Variants in MATCAP2 observed in about 807,000 individuals in gnomAD.
The protein encoded by MATCAP2 is microtubule associated tyrosine carboxypeptidase 2.
the MATCAP2 span, chr7:36,390,151 T>C: frequency 5.3e-5 from 84 of 1,582,506 alleles, 2 homozygotes; most frequent in East Asian, 7.0e-4. Flanking sequence ...AGGGCGCGTG[T>C]GTGCGCGCGT....
the MATCAP2 span, among the ~76,000 whole-genome samples, chr7:36,330,033 T>C: frequency 6.7e-6 from 1 of 148,970 alleles, no homozygotes; most frequent in Admixed American, 6.9e-5. Flanking sequence ...TCAAGAAAAC[T>C]GTGCCGATCT....
the MATCAP2 span, among the ~76,000 whole-genome samples, chr7:36,376,535 T>G: frequency 6.6e-6 from 1 of 152,230 alleles, no homozygotes; most frequent in Non-Finnish European, 1.5e-5. Context: ...TTGGAATAAG[T>G]GCAATGCGGT....
At chr7:36,357,589 T>C in the MATCAP2 span, 8 of 1,596,284 alleles carry the variant, frequency 5.0e-6, no homozygotes, top group Non-Finnish European at 2.6e-6. Flanking sequence ...AGTGAAGCTT[T>C]TCTGTGTTAA....
At chr7:36,328,600 T>C in the MATCAP2 span, among the ~76,000 whole-genome samples, 1 of 151,152 alleles carries the variant, frequency 6.6e-6, no homozygotes, top group Non-Finnish European at 1.5e-5. Flanking sequence ...AAAAATTAGC[T>C]GGGTGTGGTG....
the MATCAP2 span, among the ~76,000 whole-genome samples, chr7:36,353,112 A>G: frequency 6.6e-6 from 1 of 152,000 alleles, no homozygotes; most frequent in Admixed American, 6.6e-5. Context: ...CCTATCCAAA[A>G]AGTTTTAAAA....
the MATCAP2 span, among the ~76,000 whole-genome samples, chr7:36,376,211 T>C: frequency 6.6e-6 from 1 of 152,232 alleles, no homozygotes; most frequent in African/African-American, 2.4e-5. Context: ...CTTTCCTGCT[T>C]TCTCTTGTGG....
At chr7:36,366,597 G>T in the MATCAP2 span, 2 of 1,301,194 alleles carry the variant, frequency 1.5e-6, no homozygotes, top group Non-Finnish European at 2.1e-6. Context: ...CACACACCTA[G>T]CGTGTTTTGA....
At chr7:36,351,965 T>A in the MATCAP2 span, among the ~76,000 whole-genome samples, 3 of 120,898 alleles carry the variant, frequency 2.5e-5, no homozygotes, top group Admixed American at 8.5e-5. Context: ...AAAAAAAAAA[T>A]TTAAGATACA....
the MATCAP2 span, chr7:36,383,944 G>A: frequency 1.3e-6 from 2 of 1,497,724 alleles, no homozygotes; most frequent in Non-Finnish European, 9.1e-7. Context: ...AAAATAAAAA[G>A]ATTTGTGTTA....
the MATCAP2 span, among the ~76,000 whole-genome samples, chr7:36,378,804 C>T: frequency 7.9e-5 from 12 of 152,342 alleles, 1 homozygote; most frequent in South Asian, 1.9e-3. Context: ...GACTCAGCAA[C>T]GGCAGACGCC....
chr7:36,336,797 A>G, the MATCAP2 span, among the ~76,000 whole-genome samples: 164 of 152,088 alleles, frequency 1.1e-3, no homozygotes, highest in Admixed American at 2.2e-3. Context: ...TTTTAAAAAA[A>G]TTTTTTTAAA....
At chr7:36,345,345 GA>G in the MATCAP2 span, among the ~76,000 whole-genome samples, 5 of 152,114 alleles carry the variant, frequency 3.3e-5, no homozygotes, top group African/African-American at 1.2e-4. Context: ...TTCTTCACCA[GA>G]AGCATACAGT....
At chr7:36,372,404 T>C in the MATCAP2 span, among the ~76,000 whole-genome samples, 1 of 152,236 alleles carries the variant, frequency 6.6e-6, no homozygotes. Flanking sequence ...GAAGTTTGAA[T>C]GCTTTCAGGA....
chr7:36,324,308 A>ACTT, the MATCAP2 span: 7 of 152,206 alleles, frequency 4.6e-5, no homozygotes, highest in South Asian at 6.2e-4. Context: ...AATTTTAAAC[A>ACTT]CTTTTACAAA....
At chr7:36,389,814 T>G in the MATCAP2 span, 1 of 895,834 alleles carries the variant, frequency 1.1e-6, no homozygotes, top group Non-Finnish European at 1.7e-6. Flanking sequence ...CCAGCGCGCA[T>G]GCTCGCGGCT....
the MATCAP2 span, among the ~76,000 whole-genome samples, chr7:36,349,646 A>G: frequency 2.0e-5 from 3 of 152,220 alleles, no homozygotes; most frequent in Non-Finnish European, 4.4e-5. Flanking sequence ...GGTAACTGCT[A>G]TGAGGATAAG....
At chr7:36,335,189 A>G in the MATCAP2 span, 1 of 1,613,342 alleles carries the variant, frequency 6.2e-7, no homozygotes, top group African/African-American at 1.3e-5. Flanking sequence ...CTAAGGGGCA[A>G]GAGAAAAAGT....
chr7:36,349,675 A>T, the MATCAP2 span, among the ~76,000 whole-genome samples: 1 of 152,226 alleles, frequency 6.6e-6, no homozygotes, highest in Admixed American at 6.5e-5. Flanking sequence ...AAATGCCTAA[A>T]TACCGCAGAC....
At chr7:36,383,025 A>T in the MATCAP2 span, among the ~76,000 whole-genome samples, 1 of 152,210 alleles carries the variant, frequency 6.6e-6, no homozygotes, top group Non-Finnish European at 1.5e-5. Flanking sequence ...CTGTAGTTGC[A>T]CTGGTTTTTG....
Sources: allele counts gnomAD v4.1 joint callset (sites outside exome capture counted in the v4.1 genomes callset), GRCh38; gene constraint gnomAD v4.1.1; transcripts MANE v1.5; gene names NCBI Gene and HGNC (gene_info 2026-07-23, HGNC 2026-07-21).